STARD13: variants seen among roughly 807,000 people sequenced by gnomAD.
STARD13 encodes StAR related lipid transfer domain containing 13.
In STARD13, 62 loss-of-function variants were observed where a neutral mutation model predicts 106.4. The ratio of observed to expected loss-of-function variants is 0.58; its 90% CI spans 0.48 to 0.72. STARD13 has a LOEUF of 0.72. Among genes scored for constraint, STARD13 ranks in the 30% least tolerant of loss-of-function variants. STARD13 has a pLI of 0.00. For synonymous variants in STARD13, 565 were observed against 553.0 expected, an observed-to-expected ratio of 1.02 and a Z score of -0.31; for missense variants, 1,387 against 1,424.0, an observed-to-expected ratio of 0.97 and a Z score of 0.42.
the STARD13 span, among the ~76,000 whole-genome samples, chr13:33,518,761 A>G: frequency 1.3e-5 from 2 of 152,128 alleles, no homozygotes; most frequent in Non-Finnish European, 2.9e-5. Flanking sequence ...GCTGATATTT[A>G]TGGCCAGAAT....
chr13:33,671,045 AT>A, the STARD13 span, among the ~76,000 whole-genome samples: 1 of 152,172 alleles, frequency 6.6e-6, no homozygotes, highest in Non-Finnish European at 1.5e-5. Context: ...GCTGATAGGT[AT>A]TTTTTCAAAG....
chr13:33,464,041 ATG>A, the STARD13 span, among the ~76,000 whole-genome samples: 57 of 132,994 alleles, frequency 4.3e-4, 2 homozygotes, highest in African/African-American at 1.2e-3. Context: ...ATATATATAT[ATG>A]TATATGTATA....
chr13:33,528,260 A>ATATATATATATATATATATATATG, the STARD13 span, among the ~76,000 whole-genome samples: 1 of 127,256 alleles, frequency 7.9e-6, no homozygotes, highest in African/African-American at 3.5e-5. Context: ...ATATATACAT[A>ATATATATATATATATATATATATG]TATATATATA....
chr13:33,488,577 G>A, the STARD13 span, among the ~76,000 whole-genome samples: 9 of 152,042 alleles, frequency 5.9e-5, no homozygotes, highest in African/African-American at 2.2e-4. Context: ...AATATTACTA[G>A]GCAATGATCT....
At chr13:33,161,428 T>C (rs1320075203) in intron 3 of STARD13, among the ~76,000 whole-genome samples, 1 of 151,974 alleles carries the variant, frequency 6.6e-6, no homozygotes, top group African/African-American at 2.4e-5. Context: ...GATCCTCCCA[T>C]CTCAGCTTCC....
the STARD13 span, among the ~76,000 whole-genome samples, chr13:33,497,148 C>T: frequency 6.6e-6 from 1 of 152,082 alleles, no homozygotes; most frequent in African/African-American, 2.4e-5. Context: ...ATCCCAAGAC[C>T]TTTAAGTTTC....
the STARD13 span, among the ~76,000 whole-genome samples, chr13:33,456,837 A>G: frequency 6.6e-6 from 1 of 152,228 alleles, no homozygotes; most frequent in Non-Finnish European, 1.5e-5. Context: ...CCCAGCCTCC[A>G]GAATTGTGAG....
chr13:33,124,794 A>G (rs1326611156), intron 7 of STARD13, among the ~76,000 whole-genome samples: 4 of 152,222 alleles, frequency 2.6e-5, no homozygotes, highest in Admixed American at 2.0e-4. Context: ...AAGTCAATTC[A>G]TGCTGGGGCA....
At chr13:33,618,137 C>G in the STARD13 span, among the ~76,000 whole-genome samples, 142 of 152,308 alleles carry the variant, frequency 9.3e-4, 1 homozygote, top group African/African-American at 3.3e-3. Flanking sequence ...TGATAGGATA[C>G]TCTAAAATGA....
chr13:33,634,674 T>C, the STARD13 span, among the ~76,000 whole-genome samples: 1 of 152,150 alleles, frequency 6.6e-6, no homozygotes, highest in African/African-American at 2.4e-5. Context: ...CAAATTACTG[T>C]TGCGTTTTGA....
At chr13:33,182,888 C>A (rs1383787963) in intron 1 of STARD13, among the ~76,000 whole-genome samples, 1 of 152,224 alleles carries the variant, frequency 6.6e-6, no homozygotes, top group Non-Finnish European at 1.5e-5. Context: ...TCACCACGGC[C>A]CACAGTGCCT....
chr13:33,150,094 C>T (rs1029545774), intron 3 of STARD13, among the ~76,000 whole-genome samples: 6 of 152,288 alleles, frequency 3.9e-5, no homozygotes, highest in South Asian at 2.1e-4. Flanking sequence ...TATTCTTCTT[C>T]TAATCCCCAT....
intron 1 of STARD13, among the ~76,000 whole-genome samples, chr13:33,298,904 T>C (rs944771269): frequency 1.1e-4 from 16 of 152,232 alleles, no homozygotes; most frequent in African/African-American, 1.7e-4. Flanking sequence ...AAACCTGAGA[T>C]AAATTCCATA....
chr13:33,498,338 G>A, the STARD13 span, among the ~76,000 whole-genome samples: 1 of 152,136 alleles, frequency 6.6e-6, no homozygotes, highest in South Asian at 2.1e-4. Flanking sequence ...ATGAGTGAGA[G>A]TTAAATAGAT....
At chr13:33,136,951 C>T (rs1247339556) in intron 4 of STARD13, among the ~76,000 whole-genome samples, 1 of 152,240 alleles carries the variant, frequency 6.6e-6, no homozygotes, top group Non-Finnish European at 1.5e-5. Context: ...AGCAGGGTGA[C>T]AGGAACAAAG....
intron 12 of STARD13, 122 bp downstream of exon 12, chr13:33,109,751 G>A (rs1874253036): frequency 2.3e-6 from 2 of 851,252 alleles, no homozygotes; most frequent in Non-Finnish European, 3.7e-6. Flanking sequence ...GGAAACAAGA[G>A]CCGGCTTAGT....
At chr13:33,544,402 T>C in the STARD13 span, among the ~76,000 whole-genome samples, 38 of 152,362 alleles carry the variant, frequency 2.5e-4, no homozygotes, top group African/African-American at 8.7e-4. Flanking sequence ...ATTGACACAG[T>C]AATTAAATCA....
chr13:33,205,516 A>G (rs1169990391), intron 1 of STARD13, among the ~76,000 whole-genome samples: 1 of 152,102 alleles, frequency 6.6e-6, no homozygotes, highest in African/African-American at 2.4e-5. Flanking sequence ...ATAGAGAGAG[A>G]AGGAAGGAAG....
the STARD13 span, among the ~76,000 whole-genome samples, chr13:33,419,741 A>T: frequency 6.6e-6 from 1 of 152,408 alleles, no homozygotes; most frequent in Non-Finnish European, 1.5e-5. Flanking sequence ...GAAGCCCATC[A>T]GACTAACAGC....
Sources: allele counts gnomAD v4.1 joint callset (sites outside exome capture counted in the v4.1 genomes callset), GRCh38; gene constraint gnomAD v4.1.1; transcripts MANE v1.5; gene names NCBI Gene and HGNC (gene_info 2026-07-23, HGNC 2026-07-21).